PRKAR1B: variants seen among roughly 807,000 people sequenced by gnomAD.
PRKAR1B encodes the protein protein kinase cAMP-dependent type I regulatory subunit beta.
Under a neutral mutation model 46.5 loss-of-function variants are expected in PRKAR1B, and 22 were observed. The ratio of observed to expected loss-of-function variants is 0.47; its 90% CI spans 0.34 to 0.68. The LOEUF is 0.68. Among genes scored for constraint, PRKAR1B ranks in the 30% least tolerant of loss-of-function variants. PRKAR1B has a pLI of 0.01. For synonymous variants in PRKAR1B, 259 were observed against 217.7 expected, an observed-to-expected ratio of 1.19 and a Z score of -1.67; for missense variants, 445 against 535.6, an observed-to-expected ratio of 0.83 and a Z score of 1.67.
chr7:638,529 G>A (rs1784238661), intron 4 of PRKAR1B, among the ~76,000 whole-genome samples: 1 of 152,160 alleles, frequency 6.6e-6, no homozygotes, highest in East Asian at 1.9e-4. Flanking sequence ...GCCAGGCTCA[G>A]ACATTCTTGC....
intron 1 of PRKAR1B, among the ~76,000 whole-genome samples, chr7:723,997 G>A (rs759899729): frequency 1.3e-4 from 20 of 152,166 alleles, no homozygotes; most frequent in Non-Finnish European, 2.5e-4. Context: ...CTTTTATGAG[G>A]ACAGCAGTCA....
intron 9 of PRKAR1B, among the ~76,000 whole-genome samples, chr7:564,738 G>A (rs1208159414): frequency 2.6e-5 from 4 of 152,310 alleles, no homozygotes; most frequent in African/African-American, 7.2e-5. Context: ...AGGGGGGATC[G>A]GCCGGCCAGG....
At chr7:628,225 C>T (rs1049986919) in intron 4 of PRKAR1B, among the ~76,000 whole-genome samples, 7 of 152,256 alleles carry the variant, frequency 4.6e-5, no homozygotes, top group Non-Finnish European at 8.8e-5. Context: ...TCTGCGGGCA[C>T]CGGATCTGCC....
chr7:704,812 A>G (rs1403124027), intron 2 of PRKAR1B, among the ~76,000 whole-genome samples: 1 of 152,194 alleles, frequency 6.6e-6, no homozygotes, highest in Non-Finnish European at 1.5e-5. Flanking sequence ...AGAAGAAAAT[A>G]TTTTGTAAAT....
At chr7:726,577 G>C in intron 1 of PRKAR1B, 1 of 588,096 alleles carries the variant, frequency 1.7e-6, no homozygotes, top group Admixed American at 4.4e-5. Context: ...GGGCGAGCAC[G>C]ACAAGAGCAC....
At chr7:583,152 T>C (rs1780297828) in intron 8 of PRKAR1B, among the ~76,000 whole-genome samples, 1 of 151,954 alleles carries the variant, frequency 6.6e-6, no homozygotes. Flanking sequence ...CAACGTCGTG[T>C]GTAGACTCAA....
intron 7 of PRKAR1B, among the ~76,000 whole-genome samples, chr7:588,063 G>C (rs1017157666): frequency 6.6e-6 from 1 of 152,162 alleles, no homozygotes; most frequent in Admixed American, 6.5e-5. Context: ...TTCCGGTAGC[G>C]TGGCCCTCCC....
chr7:711,927 G>T (rs1316093861), intron 1 of PRKAR1B, among the ~76,000 whole-genome samples: 4 of 152,026 alleles, frequency 2.6e-5, no homozygotes. Flanking sequence ...GCACTTATGT[G>T]AAATGTGAAT....
chr7:587,680 G>A (rs1780676089), intron 7 of PRKAR1B, among the ~76,000 whole-genome samples: 1 of 152,212 alleles, frequency 6.6e-6, no homozygotes, highest in African/African-American at 2.4e-5. Flanking sequence ...CAGCCCTGGG[G>A]ACACCGAGTG....
intron 2 of PRKAR1B, among the ~76,000 whole-genome samples, chr7:703,560 G>A (rs1345287803): frequency 6.6e-6 from 1 of 151,900 alleles, no homozygotes; most frequent in Non-Finnish European, 1.5e-5. Context: ...GGAGGCTGAG[G>A]CAGGAGAATG....
intron 2 of PRKAR1B, among the ~76,000 whole-genome samples, chr7:710,076 T>G (rs1339279470): frequency 1.3e-5 from 2 of 152,220 alleles, no homozygotes; most frequent in African/African-American, 2.4e-5. Flanking sequence ...TAAAATGTTT[T>G]TGCATGGACT....
intron 9 of PRKAR1B, among the ~76,000 whole-genome samples, chr7:557,920 G>T (rs994792516): frequency 1.3e-5 from 2 of 152,182 alleles, no homozygotes; most frequent in East Asian, 3.9e-4. Flanking sequence ...CACAAACCTG[G>T]GAGGAGACGC....
intron 6 of PRKAR1B, among the ~76,000 whole-genome samples, chr7:596,698 C>G (rs1781285614): frequency 6.6e-6 from 1 of 152,262 alleles, no homozygotes; most frequent in Non-Finnish European, 1.5e-5. Context: ...CCTCAGTTTC[C>G]CTAGCTGCAC....
chr7:556,378 G>A (rs1303395090), intron 9 of PRKAR1B, among the ~76,000 whole-genome samples: 5 of 142,180 alleles, frequency 3.5e-5, no homozygotes, highest in South Asian at 4.7e-4. Context: ...TTTCCACTGC[G>A]ACGTGGGTTT....
At chr7:582,524 T>A (rs1227452755) in intron 8 of PRKAR1B, among the ~76,000 whole-genome samples, 1 of 152,248 alleles carries the variant, frequency 6.6e-6, no homozygotes, top group East Asian at 1.9e-4. Context: ...GCCGGTCACA[T>A]TGCTGGCTGC....
intron 1 of PRKAR1B, among the ~76,000 whole-genome samples, chr7:726,356 A>T (rs1343678376): frequency 1.3e-5 from 2 of 152,076 alleles, no homozygotes; most frequent in African/African-American, 2.4e-5. Flanking sequence ...CTTCCCGGCT[A>T]CCCTGGTCCC....
intron 4 of PRKAR1B, among the ~76,000 whole-genome samples, chr7:642,490 C>T (rs1450732964): frequency 6.6e-6 from 1 of 152,120 alleles, no homozygotes; most frequent in Non-Finnish European, 1.5e-5. Context: ...CTTTGGGGGG[C>T]CGAGGCGGGC....
At chr7:557,431 T>C (rs1221326349) in intron 9 of PRKAR1B, among the ~76,000 whole-genome samples, 1 of 152,184 alleles carries the variant, frequency 6.6e-6, no homozygotes, top group African/African-American at 2.4e-5. Flanking sequence ...GCTCGGCCTC[T>C]CTCCCTAGCT....
Position 727,215 on chromosome 7 carries a change from C to A in PRKAR1B, c.-28G>T. The A allele has an allele frequency of 1.5e-6, 2 of 1,350,708 alleles. No individual in the cohort carries two copies. Among genetic ancestry groups the A allele is most frequent in the South Asian group, 1.7e-5 (1 of 58,762 alleles). 83.7% of individuals were successfully genotyped at this position (1,350,708 alleles called of 1,614,324 possible). ...GCGCCGCGCTCGCGCCCCACCTGGA[C>A]GACGCTCTGCGCGCGCTGCGCTGCT... is the stretch of plus-strand genomic sequence containing the variant. On this transcript the variant is annotated 5_prime_UTR_variant, in exon 1 of 11. Coordinates refer to ENST00000537384, the MANE Select transcript of PRKAR1B (RefSeq NM_001164760.2).
Sources: allele counts gnomAD v4.1 joint callset (sites outside exome capture counted in the v4.1 genomes callset), GRCh38; gene constraint gnomAD v4.1.1; transcripts MANE v1.5; gene names NCBI Gene and HGNC (gene_info 2026-07-23, HGNC 2026-07-21).